PCDHA10: variants seen among roughly 807,000 people sequenced by gnomAD.
The protein encoded by PCDHA10 is protocadherin alpha-10.
PCDHA10 carries 45 observed loss-of-function variants against 61.2 expected under a neutral mutation model. The ratio of observed to expected loss-of-function variants is 0.74; its 90% confidence interval spans 0.58 to 0.94. PCDHA10 has a LOEUF of 0.94. PCDHA10 is among the 40% of genes least tolerant of loss of function. The probability of loss-of-function intolerance (pLI) is 0.00; values close to 1 mark genes in which losing one functional copy is unlikely to be tolerated. For missense variants in PCDHA10, 1,278 were observed against 1,236.2 expected (o/e 1.03, Z -0.51); for synonymous variants, 602 against 548.8 (o/e 1.10, Z -1.35).
intron 1 of PCDHA10, among the ~76,000 whole-genome samples, chr5:140,872,595 C>G (rs1048527578): frequency 6.6e-6 from 1 of 152,102 alleles, no homozygotes; most frequent in African/African-American, 2.4e-5. Flanking sequence ...AGACCCCCAT[C>G]TGAAAAAATA....
At chr5:140,996,811 A>G (rs2097746792) in intron 3 of PCDHA10, among the ~76,000 whole-genome samples, 1 of 152,212 alleles carries the variant, frequency 6.6e-6, no homozygotes, top group African/African-American at 2.4e-5. Flanking sequence ...ATGCTTTCCA[A>G]AAGTAACCAC....
intron 3 of PCDHA10, 125 bp downstream of exon 3, chr5:140,982,688 A>G: frequency 6.4e-6 from 9 of 1,415,764 alleles, no homozygotes; most frequent in African/African-American, 1.4e-5. Flanking sequence ...CCTTTTTTCC[A>G]TACATACATG....
chr5:140,910,387 T>G (rs540534807), intron 1 of PCDHA10, among the ~76,000 whole-genome samples: 3 of 152,276 alleles, frequency 2.0e-5, no homozygotes, highest in Admixed American at 6.5e-5. Context: ...CCTTTGACAG[T>G]TGACTGGCCC....
At chr5:140,905,627 G>A (rs1233983487) in intron 1 of PCDHA10, among the ~76,000 whole-genome samples, 1 of 152,150 alleles carries the variant, frequency 6.6e-6, no homozygotes, top group African/African-American at 2.4e-5. Context: ...GCTTTTGACA[G>A]TATGGTCAGT....
chr5:140,922,176 C>CA (rs3836750), intron 1 of PCDHA10, among the ~76,000 whole-genome samples: 11 of 150,702 alleles, frequency 7.3e-5, no homozygotes, highest in East Asian at 5.8e-4. Flanking sequence ...GTACAGCAGA[C>CA]AAAAAAAAAG....
intron 1 of PCDHA10, among the ~76,000 whole-genome samples, chr5:140,878,776 T>C (rs1437840291): frequency 2.0e-5 from 3 of 152,226 alleles, no homozygotes; most frequent in Non-Finnish European, 4.4e-5. Flanking sequence ...TGGAATATAG[T>C]ATATGTTCAA....
At chr5:140,896,946 T>A (rs2065814718) in intron 1 of PCDHA10, among the ~76,000 whole-genome samples, 1 of 152,134 alleles carries the variant, frequency 6.6e-6, no homozygotes, top group Non-Finnish European at 1.5e-5. Context: ...GGAATGGCCA[T>A]TCCCTTAAAC....
chr5:141,009,491 C>G, intron 3 of PCDHA10, 136 bp from the exon 4 acceptor site: 1 of 1,475,722 alleles, frequency 6.8e-7, no homozygotes, highest in Non-Finnish European at 9.0e-7. Flanking sequence ...GCCTTGCCCT[C>G]AGACTTGAAC....
rs1432277991 is a variant in PCDHA10 at position 140,856,891 on chromosome 5, C to G, written c.843C>G (p.Ser281Arg). ...ACAAGGAAATGATGTATTCATTTAG[C>G]TCTTTGGTCCCACCCACGATAAGAA... ...GINKEMMYSF[S>R]SLVPPTIRRK... The change falls in exon 1 of 4, where the codon AGC becomes AGG. Residue 281 changes from serine to arginine, a missense_variant. Coordinates refer to ENST00000307360, the MANE Select transcript of PCDHA10 (RefSeq NM_018901.4). 3 of 1,595,930 alleles carry G rather than the reference C, an allele frequency of 1.9e-6. No individual in the cohort carries two copies. Among genetic ancestry groups the G allele is most frequent in the African/African-American group, 2.7e-5 (2 of 74,246 alleles).
intron 1 of PCDHA10, among the ~76,000 whole-genome samples, chr5:140,941,191 T>TTTTC (rs1217097209): frequency 2.1e-5 from 2 of 93,206 alleles, no homozygotes; most frequent in African/African-American, 7.9e-5. Flanking sequence ...GCTTCTTTTT[T>TTTTC]TTTCTTTCTT....
rs149972776 is a variant in PCDHA10, at chr5:140,883,738, C to G, written c.2388+25302C>G. On this transcript the variant is annotated intron_variant, in intron 1 of 3. Transcript: ENST00000307360. The stretch of plus-strand genomic sequence containing the variant: ...CGGACGCACAGGAGAACGCGCTGGT[C>G]TCCTACTCGCTGGTGGAGCGGCGGG... 852 of 1,613,378 alleles carry G rather than the reference C, an allele frequency of 5.3e-4. 5 individuals carry two copies. In the African/African-American group the frequency reaches 9.2e-3, roughly 17 times the overall value.
At chr5:140,964,417 C>T (rs1279243450) in intron 1 of PCDHA10, among the ~76,000 whole-genome samples, 15 of 152,088 alleles carry the variant, frequency 9.9e-5, no homozygotes, top group Admixed American at 9.8e-4. Context: ...TGGGGGCTTC[C>T]ATTAAAAAAT....
intron 1 of PCDHA10, among the ~76,000 whole-genome samples, chr5:140,921,323 G>C (rs192159885): frequency 7.2e-4 from 109 of 151,970 alleles, no homozygotes; most frequent in African/African-American, 2.6e-3. Context: ...GAGCTAATCT[G>C]TCTGGTCCAA....
chr5:140,963,207 CCT>C (rs1246984290), intron 1 of PCDHA10, among the ~76,000 whole-genome samples: 4 of 148,438 alleles, frequency 2.7e-5, no homozygotes, highest in East Asian at 1.9e-4. Flanking sequence ...AAAAAAAAAA[CCT>C]CGTGTTTAGA....
intron 1 of PCDHA10, among the ~76,000 whole-genome samples, chr5:140,945,889 A>G (rs2093857848): frequency 6.6e-6 from 1 of 152,074 alleles, no homozygotes; most frequent in African/African-American, 2.4e-5. Flanking sequence ...CAAAGAAAAC[A>G]CAGTGGGAAA....
intron 1 of PCDHA10, among the ~76,000 whole-genome samples, chr5:140,955,553 C>A (rs782183120): frequency 2.6e-5 from 4 of 152,088 alleles, no homozygotes; most frequent in Non-Finnish European, 5.9e-5. Flanking sequence ...TGAGGCCTCC[C>A]CAGCCATACT....
chr5:140,880,419 G>A (rs1554171271), intron 1 of PCDHA10, among the ~76,000 whole-genome samples: 2 of 152,106 alleles, frequency 1.3e-5, no homozygotes, highest in Non-Finnish European at 2.9e-5. Context: ...TTAAAAGCGG[G>A]AACAGTTTTT....
intron 3 of PCDHA10, among the ~76,000 whole-genome samples, chr5:140,991,228 TGCAGTGGTAAAG>T (rs1452293099): frequency 1.1e-4 from 16 of 152,220 alleles, no homozygotes; most frequent in Non-Finnish European, 2.4e-4. Flanking sequence ...CATTAATAAA[TGCAGTGGTAAAG>T]GCAGTATTTG....
chr5:140,865,624 T>C (rs1554159533), intron 1 of PCDHA10: 1 of 152,176 alleles, frequency 6.6e-6, no homozygotes, highest in East Asian at 1.9e-4. Context: ...TTGTTAGACA[T>C]CATGAAGGGA....
Sources: allele counts gnomAD v4.1 joint callset (sites outside exome capture counted in the v4.1 genomes callset), GRCh38; gene constraint gnomAD v4.1.1; transcripts MANE v1.5; gene names NCBI Gene and HGNC (gene_info 2026-07-23, HGNC 2026-07-21).